Variants in CEP170B observed in about 807,000 individuals in gnomAD.
CEP170B encodes centrosomal protein of 170 kDa protein B.
A neutral mutation model predicts 120.6 loss-of-function variants in CEP170B; 55 were observed. The observed-to-expected ratio is 0.46, with a 90% CI of 0.37 to 0.57. CEP170B has a LOEUF of 0.57. Ranked by LOEUF, CEP170B falls within the 20% of genes least tolerant of loss-of-function variation. The pLI is 0.00. For synonymous variants in CEP170B, 1,033 were observed against 954.5 expected, an observed-to-expected ratio of 1.08 and a Z score of -1.52; for missense variants, 2,212 against 2,253.3, an observed-to-expected ratio of 0.98 and a Z score of 0.37.
In CEP170B at chr14:104,883,215, A is replaced by T. The variant is rs763580196; in HGVS notation, c.758A>T (p.Glu253Val). ...PAHEMPTKDA[E>V]AGGGGAAPVV... ...CACGAGATGCCCACGAAGGATGCAG[A>T]GGCAGGTGGGGGCGGAGCGGCCCCT... The change falls in exon 8 of 19, where the codon GAG (glutamate) becomes GTG (valine). Residue 253 changes from glutamate (E) to valine (V), a missense_variant. By Grantham distance (121) the Glu-to-Val change is moderately radical. Coordinates refer to ENST00000414716, the MANE Select transcript of CEP170B (RefSeq NM_001112726.3). 4.3e-6 allele frequency: 7 copies of T among 1,610,942 alleles called. No individual in the cohort carries two copies. In the South Asian group the frequency reaches 7.7e-5, roughly 18 times the overall value.
chr14:104,890,961 A>G (rs371687348), intron 13 of CEP170B, among the ~76,000 whole-genome samples: 1 of 55,152 alleles, frequency 1.8e-5, no homozygotes. Flanking sequence ...GGGTGGATGG[A>G]TGGGTGGGTG....
chr14:104,893,185 G>C, intron 14 of CEP170B, 50 bp downstream of exon 14: 1 of 1,569,804 alleles, frequency 6.4e-7, no homozygotes, highest in Non-Finnish European at 8.6e-7. Context: ...CCCTCGAGGA[G>C]GGTCAGGCCA....
rs754530336 is a variant in CEP170B at position 104,887,110 on chromosome 14, C to T, written c.2871C>T (p.Asp957=). The T allele has an allele frequency of 6.2e-7, 1 of 1,611,044 alleles. No individual in the cohort carries two copies. Among genetic ancestry groups the T allele is most frequent in the South Asian group, 1.1e-5 (1 of 91,066 alleles). The change falls in exon 12 of 19, where the codon GAC becomes GAT. Residue 957 remains aspartate, a synonymous_variant. Transcript: ENST00000414716. ...EDALSGDSDV[D]TASTVSLRSG... ...CCCTGTCTGGGGACTCGGACGTGGA[C>T]ACAGCCAGCACCGTCAGCCTGCGTA...
chr14:104,889,622 A>T lies in CEP170B; in HGVS notation c.3742A>T (p.Thr1248Ser), dbSNP rs371039114. The T allele has an allele frequency of 7.4e-6, 12 of 1,610,742 alleles. No individual in the cohort carries two copies. Among genetic ancestry groups the T allele is most frequent in the Non-Finnish European group, 1.0e-5 (12 of 1,179,638 alleles). The change falls in exon 13 of 19, where the codon ACT (threonine) becomes TCT (serine). Residue 1248 changes from threonine to serine, a missense_variant and splice_region_variant. Physicochemically the swap from Thr to Ser is moderately conservative, Grantham distance 58 (BLOSUM62 1). Coordinates refer to ENST00000414716, the MANE Select transcript of CEP170B (RefSeq NM_001112726.3). ...RSGSARYTST[T>S]QTPRAGSSSR... ...CACACGCTCCCACACCTCAACAGCC[A>T]CTCAGACCCCGAGGGCTGGCAGCTC...
chr14:104,866,883 TCTC>T (rs1895234268), intron 1 of CEP170B, among the ~76,000 whole-genome samples: 1 of 151,998 alleles, frequency 6.6e-6, no homozygotes, highest in Admixed American at 6.5e-5. Context: ...AGCCTCCCCT[TCTC>T]CTCTGCTCCA....
At chr14:104,879,569 G>A (rs965284214) in intron 5 of CEP170B, among the ~76,000 whole-genome samples, 3 of 152,252 alleles carry the variant, frequency 2.0e-5, no homozygotes, top group Admixed American at 1.3e-4. Flanking sequence ...CGCACTGCCC[G>A]CCCTGGCCGG....
At chr14:104,866,645 G>T (rs1895223978) in intron 1 of CEP170B, among the ~76,000 whole-genome samples, 2 of 152,238 alleles carry the variant, frequency 1.3e-5, no homozygotes, top group Non-Finnish European at 1.5e-5. Context: ...CCTGCCCAAG[G>T]TGAGGGTTTA....
chr14:104,893,394 A>C, intron 14 of CEP170B, 129 bp from the exon 15 acceptor site: 4 of 1,221,482 alleles, frequency 3.3e-6, no homozygotes, highest in Non-Finnish European at 4.5e-6. Flanking sequence ...GCAGGGGCAC[A>C]GGAGGGACCT....
rs772651081 is a variant in CEP170B, at chr14:104,886,880, G to A, written c.2641G>A (p.Gly881Ser). The change falls in exon 12 of 19, where the codon GGC becomes AGC. Residue 881 changes from glycine to serine, a missense_variant. Transcript: ENST00000414716. ...KEPASGPPAP[G>S]KPPHISSHPL... ...GCCAGCCAGTGGTCCCCCAGCGCCCGGCAAGCCCCCCCACATCTCCAGCCA... is the reference window on the plus strand; with the variant it reads ...GCCAGCCAGTGGTCCCCCAGCGCCCAGCAAGCCCCCCCACATCTCCAGCCA... 9.3e-6 allele frequency: 15 copies of A among 1,610,322 alleles called. No homozygotes were observed. The highest frequency in any genetic ancestry group is 4.4e-5 in the South Asian group (4 of 91,088).
intron 2 of CEP170B, among the ~76,000 whole-genome samples, chr14:104,875,626 G>A (rs142894522): frequency 6.6e-6 from 1 of 152,132 alleles, no homozygotes. Context: ...AGCCGTGCTC[G>A]CAGCGCTTAA....
chr14:104,887,954 T>TCGGG lies in CEP170B; in HGVS notation c.3716_3717insGGGC (p.Ser1241ArgfsTer34). ...CCGCCAGCCCTTCAGCAGGGCCCGCTCAGGCAGTGCCCGATACACCTCCAG... is the reference window on the plus strand; with the variant it reads ...CCGCCAGCCCTTCAGCAGGGCCCGCTCGGGCAGGCAGTGCCCGATACACCTCCAG... On this transcript the variant is annotated frameshift_variant, in exon 12 of 19. Coordinates refer to ENST00000414716, the MANE Select transcript of CEP170B (RefSeq NM_001112726.3). LOFTEE classifies it high-confidence loss of function. The TCGGG allele has an allele frequency of 2.0e-6, 3 of 1,530,630 alleles. No individual in the cohort carries two copies. The highest frequency in any genetic ancestry group is 2.6e-6 in the Non-Finnish European group (3 of 1,142,026). 94.8% of individuals were successfully genotyped at this position (1,530,630 alleles called of 1,614,324 possible).
intron 9 of CEP170B, among the ~76,000 whole-genome samples, 198 bp from the exon 10 acceptor site, chr14:104,885,171 G>A (rs1896406786): frequency 6.6e-6 from 1 of 152,030 alleles, no homozygotes; most frequent in South Asian, 2.1e-4. Context: ...CCACAGCCCC[G>A]CCCCTCCCCT....
In CEP170B at chr14:104,887,689, T is replaced by C; in HGVS notation, c.3450T>C (p.Pro1150=). ...ADGERGSLGN[P]EPVGRPAAEQ... ...GTGAGCGGGGGTCCCTGGGCAACCCTGAGCCCGTGGGCCGGCCAGCTGCTG... is the reference window on the plus strand; with the variant it reads ...GTGAGCGGGGGTCCCTGGGCAACCCCGAGCCCGTGGGCCGGCCAGCTGCTG... Residue 1150 remains proline, a synonymous_variant, in exon 12 of 19, where the codon CCT becomes CCC. Coordinates refer to ENST00000414716, the MANE Select transcript of CEP170B (RefSeq NM_001112726.3). 1 of 1,582,558 alleles carries C rather than the reference T, an allele frequency of 6.3e-7. No homozygotes were observed. The highest frequency in any genetic ancestry group is 1.1e-5 in the South Asian group (1 of 87,096).
In CEP170B at chr14:104,894,725, G is replaced by C; in HGVS notation, c.4432G>C (p.Val1478Leu). The change falls in exon 19 of 19, where the codon GTG becomes CTG. Residue 1478 changes from valine to leucine, a missense_variant. By Grantham distance (32) the Val-to-Leu change is conservative. This residue lies in a region of CEP170B where 2,166 missense variants were observed against 2,166.7 expected (regional missense o/e 1.00). Transcript: ENST00000414716. ...CCCACCTCCAGTTATCAATGCCATC[G>C]TGGACCCCAGTGGGAGCCTGGACCT... The part of the protein sequence containing the change: ...QKQLEVINAI[V>L]DPSGSLDLLT... 6.3e-7 allele frequency: 1 copy of C among 1,585,342 alleles called. No homozygotes were observed.
In CEP170B at chr14:104,882,710, C is replaced by G; in HGVS notation, c.473-18C>G. 6.2e-7 allele frequency: 1 copy of G among 1,603,440 alleles called. No individual in the cohort carries two copies. Reference sequence around the variant, plus strand: ...GGGCCCCAGCAACACAGGGTCTGACCTCTCGCTCCCTCCACAGAGGCAGCC... The same window carrying G: ...GGGCCCCAGCAACACAGGGTCTGACGTCTCGCTCCCTCCACAGAGGCAGCC... On this transcript the variant is annotated intron_variant, in intron 6 of 18. Transcript: ENST00000414716.
Position 104,883,764 on chromosome 14 carries a change from C to T in CEP170B, c.1052-67C>T, listed in dbSNP as rs952414882. ...TCAGCTAAGGCATGGGGTGATGAGG[C>T]TGCCTGAGATCGACAGCTGTTTCCT... On this transcript the variant is annotated intron_variant, in intron 8 of 18. Coordinates refer to ENST00000414716, the MANE Select transcript of CEP170B (RefSeq NM_001112726.3). 2.1e-5 allele frequency: 29 copies of T among 1,414,262 alleles called. No individual in the cohort carries two copies. In the Admixed American group the frequency reaches 5.6e-4, roughly 27 times the overall value. The allele number at this position is 1,414,262 out of a possible 1,614,324, so 87.6% of individuals were successfully genotyped here. A position where few individuals can be genotyped will look rare whatever the true frequency, so the allele number is the denominator to read the frequency against.
chr14:104,870,184 G>GGGGCAGCCAGGGAGCGAGCGT lies in CEP170B; in HGVS notation c.105+1634_105+1654dup, dbSNP rs1895403894. Reference sequence around the variant, plus strand: ...CAGCCCAGGCCTGTGGCCGTGGTGAGGGGCAGCCAGGGAGCGAGCGTGGGC... The same window carrying GGGGCAGCCAGGGAGCGAGCGT: ...CAGCCCAGGCCTGTGGCCGTGGTGAGGGGCAGCCAGGGAGCGAGCGTGGGCAGCCAGGGAGCGAGCGTGGGC... On this transcript the variant is annotated intron_variant, in intron 2 of 18. Transcript: ENST00000414716. The surrounding 1 kb of genome is among the most constrained non-coding windows in gnomAD (Gnocchi z 4.1). Among the ~76,000 whole-genome samples the GGGGCAGCCAGGGAGCGAGCGT allele has an allele frequency of 6.6e-6, 1 of 152,206 alleles. No homozygotes were observed. The highest frequency in any genetic ancestry group is 2.4e-5 in the African/African-American group (1 of 41,454).
rs185809405 is a variant in CEP170B, at chr14:104,886,607, G to A, written c.2368G>A (p.Gly790Arg). The part of the protein sequence containing the change: ...SRGRRSPRAP[G>R]EPTPASFFIG... ...GGGTCGGCGCTCACCAAGGGCCCCC[G>A]GGGAGCCAACTCCCGCCTCTTTCTT... The change falls in exon 12 of 19, where the codon GGG (glycine) becomes AGG (arginine). Residue 790 changes from glycine (G) to arginine (R), a missense_variant. Gly to Arg is a moderately radical substitution (Grantham distance 125). Transcript: ENST00000414716. 8.1e-4 allele frequency: 1,231 copies of A among 1,518,984 alleles called. 13 individuals are homozygous for A. In the African/African-American group the frequency reaches 0.016, roughly 20 times the overall value. 94.1% of individuals were successfully genotyped at this position (1,518,984 alleles called of 1,614,324 possible).
At position 104,894,992 on chromosome 14, in the gene CEP170B, G is replaced by A. The variant is rs779084766; in HGVS notation, c.*34G>A. 2.3e-5 allele frequency: 35 copies of A among 1,496,792 alleles called. No individual in the cohort carries two copies. The highest frequency in any genetic ancestry group is 1.1e-4 in the African/African-American group (8 of 71,778). The allele number at this position is 1,496,792 out of a possible 1,614,324, so 92.7% of individuals were successfully genotyped here. ...CCTGGCCAGGCCAGCCTCCCTGTGC[G>A]TGTGCGTCTCTGCCTTCCGTCCGCC... On this transcript the variant is annotated 3_prime_UTR_variant, in exon 19 of 19. Coordinates refer to ENST00000414716, the MANE Select transcript of CEP170B (RefSeq NM_001112726.3).
Sources: gnomAD v4.1 joint callset for allele counts (sites outside exome capture counted in the v4.1 genomes callset) on GRCh38, gnomAD v4.1.1 for gene constraint, gnomAD v4.1.1 regional missense constraint, Gnocchi (gnomAD v3.1) non-coding constraint, MANE v1.5 for transcripts, NCBI Gene and HGNC (gene_info 2026-07-23, HGNC 2026-07-21) for gene names.